Variants in ASCC2 observed in about 807,000 individuals in gnomAD.
The protein encoded by ASCC2 is ASC-1 complex subunit P100.
Under a neutral mutation model 93.5 loss-of-function variants are expected in ASCC2, and 42 were observed. That is an observed-to-expected ratio of 0.45 (90% CI 0.35 to 0.58). The LOEUF is 0.58. Among genes scored for constraint, ASCC2 ranks in the 20% least tolerant of loss-of-function variants. The pLI, the probability that ASCC2 is intolerant of heterozygous loss-of-function variation, is 0.00. For synonymous variants in ASCC2, 364 were observed against 384.2 expected (o/e 0.95, Z 0.62); for missense variants, 859 against 977.6 (o/e 0.88, Z 1.62).
chr22:29,796,373 T>C (rs149630783), intron 15 of ASCC2, among the ~76,000 whole-genome samples: 66 of 152,160 alleles, frequency 4.3e-4, no homozygotes, highest in African/African-American at 1.5e-3. Flanking sequence ...ATGAAGAAGA[T>C]AGAGATCTGC....
In ASCC2 at chr22:29,818,407, CACACA is replaced by C. The variant is rs1569410609; in HGVS notation, c.542-2339_542-2335del. ...TTCTCTGCATCACTCCCTGCCTACA[CACACA>C]CACACACACACACACACACACACAC... On this transcript the variant is annotated intron_variant, in intron 5 of 19. Transcript: ENST00000307790. Among the ~76,000 whole-genome samples the C allele has an allele frequency of 9.0e-3, 30 of 3,318 alleles. 1 individual carries two copies. Among genetic ancestry groups the C allele is most frequent in the Non-Finnish European group, 0.017 (24 of 1,412 alleles). The allele number at this position is 3,318 out of a possible 152,430, so 2.2% of individuals were successfully genotyped here.
At chr22:29,814,123 C>T (rs1261193772) in intron 7 of ASCC2, among the ~76,000 whole-genome samples, 2 of 152,218 alleles carry the variant, frequency 1.3e-5, no homozygotes, top group African/African-American at 4.8e-5. Context: ...TCACCATCTC[C>T]AGGAGGACAG....
In ASCC2 at chr22:29,814,673, C is replaced by T; in HGVS notation, c.704G>A (p.Ser235Asn). 4 of 1,603,238 alleles carry T rather than the reference C, an allele frequency of 2.5e-6. No individual in the cohort carries two copies. Among genetic ancestry groups the T allele is most frequent in the Non-Finnish European group, 3.4e-6 (4 of 1,175,950 alleles). The change falls in exon 7 of 20, where the codon AGT becomes AAT. Residue 235 changes from serine (S) to asparagine (N), a missense_variant. Physicochemically the swap from Ser to Asn is conservative, Grantham distance 46. Coordinates refer to ENST00000307790, the MANE Select transcript of ASCC2 (RefSeq NM_032204.5). ...CAACCTTACCAGGAGAGGCATGTCA[C>T]TGGGGGTCAATCGGCCCCTCTCCTC... The part of the protein sequence containing the change: ...KLEERGRLTP[S>N]DMPLLELKDI...
Position 29,825,596 on chromosome 22 carries a change from T to G in ASCC2, c.240+26A>C, listed in dbSNP as rs369437061. On this transcript the variant is annotated intron_variant, in intron 3 of 19. Coordinates refer to ENST00000307790, the MANE Select transcript of ASCC2 (RefSeq NM_032204.5). This position sits in a 1 kb window ranked among gnomAD's most constrained non-coding sequence, Gnocchi z 4.9. ...CAATGGCATGTCATGTGCTTTGTCT[T>G]AGCGTTAATTTTGATAGAATGTTAC... 3.7e-6 allele frequency: 6 copies of G among 1,613,930 alleles called. No individual in the cohort carries two copies. In the African/African-American group the frequency reaches 8.0e-5, roughly 22 times the overall value.
intron 5 of ASCC2, among the ~76,000 whole-genome samples, chr22:29,818,087 T>G (rs951590772): frequency 9.6e-5 from 13 of 136,058 alleles, no homozygotes; most frequent in Non-Finnish European, 1.6e-4. Flanking sequence ...GAGGCCAAGG[T>G]GGGAGGATTG....
At chr22:29,837,154 G>A (rs572073018) in intron 1 of ASCC2, among the ~76,000 whole-genome samples, 39 of 152,226 alleles carry the variant, frequency 2.6e-4, no homozygotes, top group African/African-American at 9.1e-4. Flanking sequence ...GGCAGGGCTG[G>A]GCGCGATGGC....
chr22:29,825,211 C>A lies in ASCC2; in HGVS notation c.287G>T (p.Arg96Leu), dbSNP rs148445502. ...TLQKCLDSYL[R>L]YVPRKFDEGV... Reference sequence around the variant, plus strand: ...CTCGTCGAATTTGCGGGGGACATAGCGCAGGTAGGAGTCCAGGCACTTCTG... The same window carrying A: ...CTCGTCGAATTTGCGGGGGACATAGAGCAGGTAGGAGTCCAGGCACTTCTG... The change falls in exon 4 of 20, where the codon CGC becomes CTC. Residue 96 changes from arginine (R) to leucine (L), a missense_variant. Coordinates refer to ENST00000307790, the MANE Select transcript of ASCC2 (RefSeq NM_032204.5). This position sits in a 1 kb window ranked among gnomAD's most constrained non-coding sequence, Gnocchi z 4.9. The A allele has an allele frequency of 3.2e-6, 5 of 1,554,116 alleles. No homozygotes were observed. Among genetic ancestry groups the A allele is most frequent in the South Asian group, 1.2e-5 (1 of 82,928 alleles).
intron 5 of ASCC2, among the ~76,000 whole-genome samples, chr22:29,818,518 G>A (rs1431536515): frequency 7.3e-6 from 1 of 137,414 alleles, no homozygotes; most frequent in East Asian, 2.3e-4. Flanking sequence ...CTTCTTTTGT[G>A]CTGACTCCCC....
rs1213579630 is a variant in ASCC2, at chr22:29,807,271, A to G, written c.909-367T>C. On this transcript the variant is annotated intron_variant, in intron 9 of 19. Coordinates refer to ENST00000307790, the MANE Select transcript of ASCC2 (RefSeq NM_032204.5). The stretch of plus-strand genomic sequence containing the variant: ...AAAAAAAAAAAAAAAGGGAAAAGAA[A>G]AAGAAAAAGAAAAAAAGGCACAAAG... Among the ~76,000 whole-genome samples, 7 of 151,734 alleles carry G rather than the reference A, an allele frequency of 4.6e-5. No homozygotes were observed. In the East Asian group the frequency reaches 1.4e-3, roughly 29 times the overall value.
At chr22:29,812,261 G>C (rs1335957519) in intron 8 of ASCC2, among the ~76,000 whole-genome samples, 1 of 152,172 alleles carries the variant, frequency 6.6e-6, no homozygotes, top group African/African-American at 2.4e-5. Flanking sequence ...GGGGAGAAAC[G>C]TCTTGCTAGA....
At position 29,806,804 on chromosome 22, in the gene ASCC2, C is replaced by T; in HGVS notation, c.1009G>A (p.Glu337Lys). 6.2e-7 allele frequency: 1 copy of T among 1,611,388 alleles called. No homozygotes were observed. Among genetic ancestry groups the T allele is most frequent in the Non-Finnish European group, 8.5e-7 (1 of 1,177,542 alleles). The change falls in exon 10 of 20, where the codon GAA becomes AAA. Residue 337 changes from glutamate (E) to lysine (K), a missense_variant. By Grantham distance (56) the Glu-to-Lys change is moderately conservative. Coordinates refer to ENST00000307790, the MANE Select transcript of ASCC2 (RefSeq NM_032204.5). ...LNQICLLPIL[E>K]SSCDNIQGFI... The stretch of plus-strand genomic sequence containing the variant: ...CAATTCGTGAGGGCTTACCTGCTTT[C>T]TAGGATGGGAAGGAGGCAGATCTGG...
At position 29,789,133 on chromosome 22, in the gene ASCC2, C is replaced by A. The variant is rs758316876; in HGVS notation, c.2154G>T (p.Gly718=). 1.1e-5 allele frequency: 18 copies of A among 1,614,076 alleles called. No individual in the cohort carries two copies. The South Asian group carries it at 1.8e-4, about 16-fold the overall frequency. The change falls in exon 20 of 20, where the codon GGG becomes GGT. Residue 718 remains glycine, a synonymous_variant. Coordinates refer to ENST00000307790, the MANE Select transcript of ASCC2 (RefSeq NM_032204.5). Reference sequence around the variant, plus strand: ...GTTCCTGGGTTGTCTCGCGGCTCTGCCCATGGCCTCGGGGGCTGCCGGCCA... The same window carrying A: ...GTTCCTGGGTTGTCTCGCGGCTCTGACCATGGCCTCGGGGGCTGCCGGCCA... ...TAVAGSPRGH[G]QSRETTQERR...
At chr22:29,822,963 GC>G (rs1196756823) in intron 4 of ASCC2, among the ~76,000 whole-genome samples, 1 of 151,452 alleles carries the variant, frequency 6.6e-6, no homozygotes, top group African/African-American at 2.4e-5. Context: ...CAAGCAATGA[GC>G]TTGCCTCGGC....
At chr22:29,789,900 A>C (rs131301) in intron 19 of ASCC2, among the ~76,000 whole-genome samples, 1 of 151,952 alleles carries the variant, frequency 6.6e-6, no homozygotes, top group Non-Finnish European at 1.5e-5. Context: ...CACTGGGAAG[A>C]TGCGGGGCCT....
chr22:29,807,068 T>C (rs755152296), intron 9 of ASCC2, among the ~76,000 whole-genome samples, 164 bp from the exon 10 acceptor site: 1 of 151,836 alleles, frequency 6.6e-6, no homozygotes, highest in Non-Finnish European at 1.5e-5. Context: ...AGTGAAATCC[T>C]GTCTCTACAA....
chr22:29,827,757 GACACACACACACACAC>G (rs35763537), intron 2 of ASCC2, among the ~76,000 whole-genome samples: 1 of 100,934 alleles, frequency 9.9e-6, no homozygotes, highest in African/African-American at 4.0e-5. Context: ...TCATTCTCCC[GACACACACACACACAC>G]ACACACACAC....
intron 8 of ASCC2, among the ~76,000 whole-genome samples, chr22:29,810,495 C>T (rs2060159372): frequency 6.6e-6 from 1 of 152,148 alleles, no homozygotes; most frequent in South Asian, 2.1e-4. Flanking sequence ...ACTAGGCCCA[C>T]AGGATAGTCC....
At chr22:29,821,776 C>T (rs1374086895) in intron 5 of ASCC2, 2 of 316,134 alleles carry the variant, frequency 6.3e-6, no homozygotes, top group Non-Finnish European at 1.2e-5. Flanking sequence ...AGGAGGATGA[C>T]TTGAGGCCAG....
chr22:29,838,115 C>G, intron 1 of ASCC2, 63 bp downstream of exon 1: 1 of 457,432 alleles, frequency 2.2e-6, no homozygotes. Context: ...CTGCCCAAGG[C>G]ATAGCCGCGG....
Sources: allele counts gnomAD v4.1 joint callset (sites outside exome capture counted in the v4.1 genomes callset), GRCh38; gene constraint gnomAD v4.1.1; non-coding constraint Gnocchi (gnomAD v3.1); transcripts MANE v1.5; gene names NCBI Gene and HGNC (gene_info 2026-07-23, HGNC 2026-07-21).